Variants in NFIL3 observed in about 807,000 individuals in gnomAD.
NFIL3 encodes the protein nuclear factor interleukin-3-regulated protein.
A neutral mutation model predicts 10.0 loss-of-function variants in NFIL3; 5 were observed. The observed-to-expected ratio is 0.50, with a 90% CI of 0.26 to 1.06. The LOEUF (loss-of-function observed/expected upper bound fraction) is 1.06, where lower values mean the gene tolerates loss of function less well. NFIL3 is among the 50% of genes least tolerant of loss of function. The pLI is 0.13. For synonymous variants in NFIL3, 202 were observed against 206.5 expected (o/e 0.98, Z 0.19); for missense variants, 436 against 547.6 (o/e 0.80, Z 2.03).
the NFIL3 span, among the ~76,000 whole-genome samples, chr9:91,470,201 A>G: frequency 6.6e-6 from 1 of 151,884 alleles, no homozygotes; most frequent in Admixed American, 6.6e-5. Flanking sequence ...TATTGCCTCA[A>G]TTTCAGAGCC....
the NFIL3 span, among the ~76,000 whole-genome samples, chr9:91,450,997 C>T: frequency 1.3e-5 from 2 of 152,098 alleles, no homozygotes; most frequent in African/African-American, 4.8e-5. Context: ...TTCTGAAAAC[C>T]AAATTTCATC....
the NFIL3 span, among the ~76,000 whole-genome samples, chr9:91,451,504 C>CA: frequency 1.3e-5 from 2 of 152,172 alleles, no homozygotes; most frequent in Middle Eastern, 3.2e-3. Flanking sequence ...CTGGGAAAGG[C>CA]AAGCCACAAT....
chr9:91,477,353 A>G, the NFIL3 span, among the ~76,000 whole-genome samples: 1 of 152,192 alleles, frequency 6.6e-6, no homozygotes, highest in Non-Finnish European at 1.5e-5. Context: ...TTCTCTCTGC[A>G]GCTGCAGAAA....
chr9:91,480,563 AAAC>A, the NFIL3 span, among the ~76,000 whole-genome samples: 8 of 152,184 alleles, frequency 5.3e-5, no homozygotes. Flanking sequence ...TAAATATAAA[AAAC>A]AACAACAACA....
chr9:91,424,820 TC>T (rs1787866684), upstream of NFIL3, among the ~76,000 whole-genome samples: 1 of 152,230 alleles, frequency 6.6e-6, no homozygotes. Context: ...CGGGATCTCT[TC>T]CTGTGATTTT....
At chr9:91,423,460 G>A (rs754643011) in intron 1 of NFIL3, among the ~76,000 whole-genome samples, 180 bp downstream of exon 1, 9 of 151,916 alleles carry the variant, frequency 5.9e-5, no homozygotes. Context: ...GTCCCATCCT[G>A]ACAAGGCAGC....
At chr9:91,447,593 T>A in the NFIL3 span, among the ~76,000 whole-genome samples, 1 of 152,238 alleles carries the variant, frequency 6.6e-6, no homozygotes, top group East Asian at 1.9e-4. Flanking sequence ...TTAGTGATGT[T>A]GAGTATCTTA....
chr9:91,482,327 A>C, the NFIL3 span, among the ~76,000 whole-genome samples: 1 of 148,488 alleles, frequency 6.7e-6, no homozygotes, highest in Non-Finnish European at 1.5e-5. Context: ...TATCAAAAAC[A>C]GTGTTTGCCT....
At chr9:91,433,225 G>T in the NFIL3 span, among the ~76,000 whole-genome samples, 3 of 152,178 alleles carry the variant, frequency 2.0e-5, no homozygotes, top group Non-Finnish European at 2.9e-5. Context: ...CTGCATATGG[G>T]AATCATTTGT....
At chr9:91,420,352 T>TACTCACACACAC (rs1554727360) in intron 1 of NFIL3, among the ~76,000 whole-genome samples, 26 of 144,500 alleles carry the variant, frequency 1.8e-4, no homozygotes, top group Non-Finnish European at 3.4e-4. Context: ...TGAAGGTAAA[T>TACTCACACACAC]ACACACACAC....
the NFIL3 span, among the ~76,000 whole-genome samples, chr9:91,453,898 G>T: frequency 7.2e-5 from 11 of 152,132 alleles, no homozygotes; most frequent in Non-Finnish European, 1.5e-4. Flanking sequence ...ACATGGAAAA[G>T]AAATTTCAAG....
At chr9:91,469,744 C>T in the NFIL3 span, among the ~76,000 whole-genome samples, 3 of 152,192 alleles carry the variant, frequency 2.0e-5, no homozygotes, top group South Asian at 2.1e-4. Context: ...GCATGAAGGG[C>T]TGTTGAATTT....
the NFIL3 span, among the ~76,000 whole-genome samples, chr9:91,470,054 T>C: frequency 1.3e-5 from 2 of 152,202 alleles, no homozygotes; most frequent in Non-Finnish European, 2.9e-5. Flanking sequence ...ATAAAATGAG[T>C]TAGGGAGGAT....
the NFIL3 span, among the ~76,000 whole-genome samples, chr9:91,442,781 C>A: frequency 3.3e-5 from 5 of 152,102 alleles, no homozygotes; most frequent in African/African-American, 7.2e-5. Flanking sequence ...ACCACACAGA[C>A]CCAAAGAGGG....
chr9:91,458,977 G>C, the NFIL3 span, among the ~76,000 whole-genome samples: 2 of 152,194 alleles, frequency 1.3e-5, no homozygotes, highest in African/African-American at 2.4e-5. Context: ...TTAGAAACAG[G>C]CTGGTGGGAC....
chr9:91,416,142 C>T (rs924258431), intron 1 of NFIL3, among the ~76,000 whole-genome samples: 1 of 151,184 alleles, frequency 6.6e-6, no homozygotes, highest in African/African-American at 2.4e-5. Flanking sequence ...TGGACATTGT[C>T]ACCTATGATC....
At chr9:91,443,033 A>G in the NFIL3 span, among the ~76,000 whole-genome samples, 1 of 152,188 alleles carries the variant, frequency 6.6e-6, no homozygotes, top group Non-Finnish European at 1.5e-5. Context: ...TGAATGACAG[A>G]ACAGCTCTCA....
At chr9:91,476,068 C>A in the NFIL3 span, among the ~76,000 whole-genome samples, 2 of 152,162 alleles carry the variant, frequency 1.3e-5, no homozygotes, top group African/African-American at 4.8e-5. Flanking sequence ...GAGACTTGCA[C>A]AAGTAAATTC....
intron 1 of NFIL3, among the ~76,000 whole-genome samples, chr9:91,421,785 T>G (rs1377506480): frequency 6.6e-6 from 1 of 152,194 alleles, no homozygotes; most frequent in Admixed American, 6.5e-5. Flanking sequence ...TAATATACTC[T>G]GTTCCAGAGA....
Sources: allele counts gnomAD v4.1 joint callset (sites outside exome capture counted in the v4.1 genomes callset), GRCh38; gene constraint gnomAD v4.1.1; transcripts MANE v1.5; gene names NCBI Gene and HGNC (gene_info 2026-07-23, HGNC 2026-07-21).